The following MYOM3 variants were observed in gnomAD, a reference collection of about 807,000 sequenced individuals.
MYOM3 encodes the protein myomesin 3, also known as myomesin-3.
Under a neutral mutation model 191.7 loss-of-function variants are expected in MYOM3, and 155 were observed. The observed-to-expected ratio is 0.81, with a 90% confidence interval of 0.71 to 0.92. The LOEUF (loss-of-function observed/expected upper bound fraction) is 0.92, where lower values mean the gene tolerates loss of function less well. Ranked by LOEUF, MYOM3 falls within the 40% of genes least tolerant of loss-of-function variation. The pLI is 0.00. For missense variants in MYOM3, 1,889 were observed against 1,890.6 expected (o/e 1.00, Z 0.02); for synonymous variants, 757 against 762.9 (o/e 0.99, Z 0.13).
At chr1:24,079,620 G>C (rs1275242513) in intron 20 of MYOM3, among the ~76,000 whole-genome samples, 7 of 152,172 alleles carry the variant, frequency 4.6e-5, no homozygotes, top group Non-Finnish European at 7.3e-5. Flanking sequence ...ACTAATGGAC[G>C]TTTAAGTTGT....
In MYOM3 at chr1:24,067,360, C is replaced by CTTTCT. The variant is rs1185861583; in HGVS notation, c.3356-277_3356-273dup. ...TCTTTCTTTCTTTCTTTCTTTCTTTCTTTCTTTCTTTCCTTCTTTCTTTCT... is the reference window on the plus strand; with the variant it reads ...TCTTTCTTTCTTTCTTTCTTTCTTTCTTTCTTTTCTTTCTTTCCTTCTTTCTTTCT... On this transcript the variant is annotated intron_variant, in intron 27 of 36. Transcript: ENST00000374434. Among the ~76,000 whole-genome samples the CTTTCT allele has an allele frequency of 5.2e-5, 6 of 116,318 alleles. 1 individual carries two copies. Among genetic ancestry groups the CTTTCT allele is most frequent in the African/African-American group, 2.2e-4 (6 of 27,346 alleles). The allele number at this position is 116,318 out of a possible 152,430, so 76.3% of individuals were successfully genotyped here.
intron 13 of MYOM3, among the ~76,000 whole-genome samples, 178 bp downstream of exon 13, chr1:24,089,887 G>A (rs1643794300): frequency 6.6e-6 from 1 of 152,126 alleles, no homozygotes; most frequent in African/African-American, 2.4e-5. Context: ...CCTCCTCCAG[G>A]AGGGCCACAG....
chr1:24,063,632 GCT>G lies in MYOM3; in HGVS notation c.3623-104_3623-103del. Reference sequence around the variant, plus strand: ...AAAAGGCTGGTGGAGCCCGTGAGCTGCTCTCAGGGGGACAGGCAACTCTGTAG... The same window carrying G: ...AAAAGGCTGGTGGAGCCCGTGAGCTGCTCAGGGGGACAGGCAACTCTGTAG... On this transcript the variant is annotated intron_variant, in intron 30 of 36. Transcript: ENST00000374434. This position sits in a 1 kb window ranked among gnomAD's most constrained non-coding sequence, Gnocchi z 4.5. 7.5e-7 allele frequency: 1 copy of G among 1,337,894 alleles called. No homozygotes were observed. The highest frequency in any genetic ancestry group is 1.1e-6 in the Non-Finnish European group (1 of 942,276). The allele number at this position is 1,337,894 out of a possible 1,614,324, so 82.9% of individuals were successfully genotyped here. A position where few individuals can be genotyped will look rare whatever the true frequency, so the allele number is the denominator to read the frequency against.
intron 14 of MYOM3, 138 bp from the exon 15 acceptor site, chr1:24,086,965 G>A (rs1240835783): frequency 4.1e-5 from 35 of 855,376 alleles, no homozygotes; most frequent in Admixed American, 5.4e-5. Context: ...CCTGAGCATG[G>A]GGCTCTGCCC....
chr1:24,069,896 C>T (rs56212338), intron 25 of MYOM3, among the ~76,000 whole-genome samples: 4,722 of 148,530 alleles, frequency 0.032, 114 homozygotes, highest in South Asian at 0.11. Context: ...CAGGCATGGG[C>T]ACCCCGCCCA....
chr1:24,056,191 C>A lies in MYOM3; in HGVS notation c.*1173G>T, dbSNP rs1381808410. The A allele has an allele frequency of 1.3e-5, 2 of 152,188 alleles. No homozygotes were observed. Among genetic ancestry groups the A allele is most frequent in the African/African-American group, 2.4e-5 (1 of 41,426 alleles). 9.4% of individuals were successfully genotyped at this position (152,188 alleles called of 1,614,324 possible). On this transcript the variant is annotated 3_prime_UTR_variant, in exon 37 of 37. Transcript: ENST00000374434. Reference sequence around the variant, plus strand: ...GGGCAGAGAAATGCCCAGCTCAGTACTGAGATCCATCAAGTGAGGCCAGCC... The same window carrying A: ...GGGCAGAGAAATGCCCAGCTCAGTAATGAGATCCATCAAGTGAGGCCAGCC...
Position 24,068,274 on chromosome 1 carries a change from G to T in MYOM3, c.3244C>A (p.Leu1082Ile). ...EEDKGSYTAQ[L>I]QDGKAKNQIT... The stretch of plus-strand genomic sequence containing the variant: ...TGGTTTTTGGCTTTTCCATCTTGGA[G>T]TTGAGCGGTGTACGACCCTTTGTCC... Residue 1082 changes from leucine to isoleucine, a missense_variant, in exon 26 of 37, where the codon CTC becomes ATC. Physicochemically the swap from Leu to Ile is conservative, Grantham distance 5. Transcript: ENST00000374434. The T allele has an allele frequency of 6.2e-7, 1 of 1,614,200 alleles. No homozygotes were observed. The highest frequency in any genetic ancestry group is 1.1e-5 in the South Asian group (1 of 91,078).
At position 24,086,814 on chromosome 1, in the gene MYOM3, C is replaced by A; in HGVS notation, c.1628G>T (p.Ser543Ile). The A allele has an allele frequency of 6.2e-7, 1 of 1,614,030 alleles. No homozygotes were observed. Among genetic ancestry groups the A allele is most frequent in the Non-Finnish European group, 8.5e-7 (1 of 1,179,914 alleles). ...TYSLEKSVIGSGTWEAISSES... is the reference protein window; with the variant it reads ...TYSLEKSVIGIGTWEAISSES... Reference sequence around the variant, plus strand: ...CGAGCTGATGGCCTCCCAGGTGCCACTACCTATGACTGACTGAAGAAACAG... The same window carrying A: ...CGAGCTGATGGCCTCCCAGGTGCCAATACCTATGACTGACTGAAGAAACAG... The change falls in exon 15 of 37, where the codon AGT becomes ATT. Residue 543 changes from serine to isoleucine, a missense_variant. Ser to Ile is a moderately radical substitution (Grantham distance 142). Transcript: ENST00000374434.
intron 9 of MYOM3, 92 bp from the exon 10 acceptor site, chr1:24,093,200 T>G: frequency 5.2e-6 from 4 of 771,594 alleles, no homozygotes; most frequent in South Asian, 3.1e-5. Flanking sequence ...AGACCCTGGC[T>G]GGGCAGAGAG....
intron 19 of MYOM3, 64 bp from the exon 20 acceptor site, chr1:24,080,258 G>T: frequency 2.2e-6 from 3 of 1,344,116 alleles, no homozygotes; most frequent in Non-Finnish European, 1.0e-6. Flanking sequence ...AGCCAGGTAA[G>T]CAGCAAGCCC....
intron 1 of MYOM3, among the ~76,000 whole-genome samples, chr1:24,110,564 A>T (rs1273134954): frequency 6.6e-6 from 1 of 151,770 alleles, no homozygotes; most frequent in African/African-American, 2.4e-5. Flanking sequence ...GTGGGCTTTT[A>T]CCCCTTCTAC....
chr1:24,089,926 C>CT, intron 13 of MYOM3, 139 bp downstream of exon 13: 1 of 886,458 alleles, frequency 1.1e-6, no homozygotes, highest in Non-Finnish European at 1.8e-6. Flanking sequence ...CCCCAGCACT[C>CT]TGACTGCCTC....
intron 15 of MYOM3, among the ~76,000 whole-genome samples, chr1:24,086,324 G>A (rs1643737944): frequency 6.6e-6 from 1 of 152,104 alleles, no homozygotes; most frequent in South Asian, 2.1e-4. Flanking sequence ...CAGGATCTAG[G>A]GGCAGGCCAG....
intron 32 of MYOM3, 94 bp from the exon 33 acceptor site, chr1:24,062,203 G>C: frequency 7.1e-7 from 1 of 1,411,754 alleles, no homozygotes; most frequent in Non-Finnish European, 9.8e-7. Flanking sequence ...TTTGTTTTGA[G>C]ATCACGGGCT....
rs373269134 is a variant in MYOM3, at chr1:24,063,511, G to A, written c.3642C>T (p.Thr1214=). The change falls in exon 31 of 37, where the codon ACC becomes ACT. Residue 1214 remains threonine, a synonymous_variant. Coordinates refer to ENST00000374434, the MANE Select transcript of MYOM3 (RefSeq NM_152372.4). This position sits in a 1 kb window ranked among gnomAD's most constrained non-coding sequence, Gnocchi z 4.5. ...GCTTACCACCAATCCTGCCCAACTC[G>A]GTGAAGATGGCATCCAGGGCTGGCG... ...LTGDALDAIF[T]ELGRIGALSA... 396 of 1,614,178 alleles carry A rather than the reference G, an allele frequency of 2.5e-4. No individual in the cohort carries two copies. The highest frequency in any genetic ancestry group is 7.8e-4 in the Admixed American group (47 of 60,024).
At chr1:24,080,298 T>A in intron 19 of MYOM3, 104 bp from the exon 20 acceptor site, 1 of 879,374 alleles carries the variant, frequency 1.1e-6, no homozygotes, top group Non-Finnish European at 1.7e-6. Flanking sequence ...TGTCAATCCC[T>A]CAGTCACAGT....
chr1:24,102,884 C>T (rs1227603391), intron 5 of MYOM3, among the ~76,000 whole-genome samples: 1 of 152,128 alleles, frequency 6.6e-6, no homozygotes, highest in Non-Finnish European at 1.5e-5. Flanking sequence ...AATAGACTTG[C>T]CTAACAGGTG....
At chr1:24,062,887 T>G (rs1296051379) in intron 32 of MYOM3, among the ~76,000 whole-genome samples, 1 of 152,216 alleles carries the variant, frequency 6.6e-6, no homozygotes, top group Non-Finnish European at 1.5e-5. Context: ...CCACCTTCCC[T>G]GGGGATCTCG....
intron 4 of MYOM3, 142 bp downstream of exon 4, chr1:24,106,931 A>C: frequency 1.3e-6 from 1 of 792,940 alleles, no homozygotes; most frequent in South Asian, 1.9e-5. Context: ...GGGTCACACC[A>C]CTGGAATGTA....
Sources: gnomAD v4.1 joint callset for allele counts (sites outside exome capture counted in the v4.1 genomes callset) on GRCh38, gnomAD v4.1.1 for gene constraint, Gnocchi (gnomAD v3.1) non-coding constraint, MANE v1.5 for transcripts, NCBI Gene and HGNC (gene_info 2026-07-23, HGNC 2026-07-21) for gene names.